SLC16A7: variants seen among roughly 807,000 people sequenced by gnomAD.
SLC16A7 encodes monocarboxylate transporter 2.
SLC16A7 carries 33 observed loss-of-function variants against 34.9 expected under a neutral mutation model. The observed-to-expected ratio is 0.94, with a 90% confidence interval of 0.72 to 1.26. The LOEUF (loss-of-function observed/expected upper bound fraction) is 1.26. SLC16A7 is among the 50% of genes most tolerant of loss of function. The probability of loss-of-function intolerance (pLI) is 0.00; values close to 1 mark genes in which losing one functional copy is unlikely to be tolerated. For synonymous variants in SLC16A7, 201 were observed against 206.6 expected, an observed-to-expected ratio of 0.97 and a Z score of 0.23; for missense variants, 573 against 578.1, an observed-to-expected ratio of 0.99 and a Z score of 0.09.
Position 59,704,972 on chromosome 12 carries a change from A to C in SLC16A7, c.171A>C (p.Glu57Asp), listed in dbSNP as rs765314640. Residue 57 changes from glutamate (E) to aspartate (D), a missense_variant, in exon 3 of 6, where the codon GAA becomes GAC. Transcript: ENST00000547379. ...AAATATTCCACACTACCTACAGTGAAATAGCATGGATTTCATCCATTATGC... is the reference window on the plus strand; with the variant it reads ...AAATATTCCACACTACCTACAGTGACATAGCATGGATTTCATCCATTATGC... ...IQQIFHTTYS[E>D]IAWISSIMLA... 6.2e-7 allele frequency: 1 copy of C among 1,613,816 alleles called. No homozygotes were observed. The highest frequency in any genetic ancestry group is 8.5e-7 in the Non-Finnish European group (1 of 1,179,752).
In SLC16A7 at chr12:59,775,209, A is replaced by G; in HGVS notation, c.914A>G (p.Asn305Ser). ...FARPSVGLIA[N>S]SKYIRPRIQY... is the part of the protein sequence containing the mutation. ...AGGCCTTCTGTAGGATTAATTGCAA[A>G]CTCCAAATATATTCGACCTCGAATT... The change falls in exon 5 of 6, where the codon AAC becomes AGC. Residue 305 changes from asparagine (N) to serine (S), a missense_variant. Coordinates refer to ENST00000547379, the MANE Select transcript of SLC16A7 (RefSeq NM_001270623.2). The G allele has an allele frequency of 6.2e-7, 1 of 1,613,872 alleles. No homozygotes were observed. The highest frequency in any genetic ancestry group is 8.5e-7 in the Non-Finnish European group (1 of 1,179,982).
chr12:59,749,918 C>T (rs548728792), intron 3 of SLC16A7, among the ~76,000 whole-genome samples: 20 of 152,106 alleles, frequency 1.3e-4, no homozygotes, highest in East Asian at 5.8e-4. Flanking sequence ...TCCAAACCAG[C>T]GCCAGACATT....
In SLC16A7 at chr12:59,705,002, T is replaced by G. The variant is rs79227663; in HGVS notation, c.201T>G (p.Ala67=). The G allele has an allele frequency of 4.0e-4, 645 of 1,609,682 alleles. 6 individuals are homozygous for G. The African/African-American group carries it at 5.6e-3, about 14-fold the overall frequency. Residue 67 remains alanine (A), a synonymous_variant, in exon 3 of 6, where the codon GCT becomes GCG. Transcript: ENST00000547379. ...CATGGATTTCATCCATTATGCTGGC[T>G]GTTATGTACGCAGGAGGTAAGCTTC... is the stretch of plus-strand genomic sequence containing the variant. ...EIAWISSIML[A]VMYAGGPVSS...
intron 3 of SLC16A7, among the ~76,000 whole-genome samples, chr12:59,760,814 T>A (rs1395804889): frequency 6.6e-6 from 1 of 152,126 alleles, no homozygotes; most frequent in Non-Finnish European, 1.5e-5. Context: ...AATTATTTAT[T>A]TCTGGAATTT....
chr12:59,764,814 G>A (rs1390178322), intron 3 of SLC16A7, among the ~76,000 whole-genome samples: 1 of 152,054 alleles, frequency 6.6e-6, no homozygotes, highest in Admixed American at 6.6e-5. Context: ...TGTCTTTATA[G>A]CAGCATGATT....
At position 59,742,240 on chromosome 12, in the gene SLC16A7, C is replaced by T. The variant is rs535274539; in HGVS notation, c.218-28979C>T. ...GGAAAGTCATATTCCAACATTTTGT[C>T]TCTTAATGCTCATGTCCAGGAACTT... On this transcript the variant is annotated intron_variant, in intron 3 of 5. Transcript: ENST00000547379. Among the ~76,000 whole-genome samples, 4 of 152,318 alleles carry T rather than the reference C, an allele frequency of 2.6e-5. No homozygotes were observed. The South Asian group carries it at 8.3e-4, about 32-fold the overall frequency.
In SLC16A7 at chr12:59,779,626, G is replaced by T. The variant is rs1336676910; in HGVS notation, c.1384G>T (p.Val462Phe). The part of the protein sequence containing the change: ...SKSKHSEDVN[V>F]KVSNAQSVTS... ...ATCTAAACATTCGGAAGATGTTAAC[G>T]TCAAAGTTTCAAATGCACAGAGTGT... The change falls in exon 6 of 6, where the codon GTC becomes TTC. Residue 462 changes from valine (V) to phenylalanine (F), a missense_variant. Transcript: ENST00000547379. 6.2e-7 allele frequency: 1 copy of T among 1,611,260 alleles called. No individual in the cohort carries two copies. The highest frequency in any genetic ancestry group is 8.5e-7 in the Non-Finnish European group (1 of 1,177,816).
At chr12:59,604,264 G>A (rs1041027121) in intron 1 of SLC16A7, among the ~76,000 whole-genome samples, 5 of 152,178 alleles carry the variant, frequency 3.3e-5, no homozygotes, top group Non-Finnish European at 5.9e-5. Flanking sequence ...GGTATATATA[G>A]CGATCTACCT....
At chr12:59,642,602 T>C (rs942474163) in intron 1 of SLC16A7, among the ~76,000 whole-genome samples, 5 of 152,062 alleles carry the variant, frequency 3.3e-5, no homozygotes, top group African/African-American at 9.6e-5. Context: ...TGATTCTTCA[T>C]GCAGAAGATA....
chr12:59,608,707 T>G (rs1265730744), intron 1 of SLC16A7, among the ~76,000 whole-genome samples: 1 of 152,182 alleles, frequency 6.6e-6, no homozygotes, highest in Non-Finnish European at 1.5e-5. Flanking sequence ...GCTGTTAATT[T>G]AAGAAAAAAA....
rs571400689 is a variant in SLC16A7, at chr12:59,690,089, G to A, written c.-30-14683G>A. 3.3e-5 allele frequency among the ~76,000 whole-genome samples: 5 copies of A among 151,934 alleles called. No individual in the cohort carries two copies. In the East Asian group the frequency reaches 5.8e-4, roughly 18 times the overall value. Reference sequence around the variant, plus strand: ...AGAAGGAGAAAAACAAAAACAAAACGGGATATACACACAATGATTGTTATC... The same window carrying A: ...AGAAGGAGAAAAACAAAAACAAAACAGGATATACACACAATGATTGTTATC... On this transcript the variant is annotated intron_variant, in intron 2 of 5. Transcript: ENST00000547379.
chr12:59,638,133 G>A (rs1326377225), intron 1 of SLC16A7, among the ~76,000 whole-genome samples: 1 of 152,112 alleles, frequency 6.6e-6, no homozygotes, highest in Non-Finnish European at 1.5e-5. Context: ...GTGTTGAAAT[G>A]TAACTGGATA....
At chr12:59,600,745 G>T (rs1444343643) in intron 1 of SLC16A7, among the ~76,000 whole-genome samples, 1 of 152,158 alleles carries the variant, frequency 6.6e-6, no homozygotes, top group Non-Finnish European at 1.5e-5. Flanking sequence ...AACTAGTCCA[G>T]CTGGAGCTGG....
At position 59,596,621 on chromosome 12, in the gene SLC16A7, C is replaced by T. The variant is rs1878412865; in HGVS notation, c.-130+385C>T. ...CCAGTCTCCCTGGCTCACGGGACTC[C>T]GAGGGCTGCTTCCAGTGCGGCGTGT... On this transcript the variant is annotated intron_variant, in intron 1 of 5. Transcript: ENST00000547379. The surrounding 1 kb of genome is among the most constrained non-coding windows in gnomAD (Gnocchi z 5.0). Among the ~76,000 whole-genome samples, 2 of 152,062 alleles carry T rather than the reference C, an allele frequency of 1.3e-5. No homozygotes were observed. The highest frequency in any genetic ancestry group is 4.2e-4 in the South Asian group (2 of 4,804).
intron 1 of SLC16A7, among the ~76,000 whole-genome samples, chr12:59,611,431 A>G (rs1215300983): frequency 6.6e-6 from 1 of 152,212 alleles, no homozygotes; most frequent in Non-Finnish European, 1.5e-5. Context: ...ATTTATCACT[A>G]GGTCCCTAAC....
At chr12:59,680,590 CTATTA>C (rs1220396346) in intron 2 of SLC16A7, among the ~76,000 whole-genome samples, 1 of 152,040 alleles carries the variant, frequency 6.6e-6, no homozygotes, top group African/African-American at 2.4e-5. Flanking sequence ...TGATTAATGT[CTATTA>C]TAATACCGTA....
chr12:59,700,583 G>T (rs1387279434), intron 2 of SLC16A7, among the ~76,000 whole-genome samples: 3 of 150,348 alleles, frequency 2.0e-5, no homozygotes, highest in Non-Finnish European at 4.5e-5. Context: ...TATATAAAAT[G>T]TAATATATTT....
rs538503921 is a variant in SLC16A7, at chr12:59,724,651, G to T, written c.217+19633G>T. ...TTATGTATGAGATATTTGCCAAGCT[G>T]CATAAAAGAAAAGGGCTAGAGTTTA... is the stretch of plus-strand genomic sequence containing the variant. On this transcript the variant is annotated intron_variant, in intron 3 of 5. Transcript: ENST00000547379. Among the ~76,000 whole-genome samples, 11 of 152,088 alleles carry T rather than the reference G, an allele frequency of 7.2e-5. No individual in the cohort carries two copies. In the East Asian group the frequency reaches 2.1e-3, roughly 29 times the overall value.
Position 59,787,231 on chromosome 12 carries a change from A to G in SLC16A7, c.*7552A>G, listed in dbSNP as rs1380609721. On this transcript the variant is annotated 3_prime_UTR_variant, in exon 6 of 6. Transcript: ENST00000547379. ...ACACACAGTTCAAGTTTAAATTATT[A>G]AATTGTATGCAAGAAATTATTGCCA... 2.0e-5 allele frequency: 3 copies of G among 152,178 alleles called. No homozygotes were observed. Among genetic ancestry groups the G allele is most frequent in the Admixed American group, 1.3e-4 (2 of 15,278 alleles). 9.4% of individuals were successfully genotyped at this position (152,178 alleles called of 1,614,324 possible).
Sources: gnomAD v4.1 joint callset for allele counts (sites outside exome capture counted in the v4.1 genomes callset) on GRCh38, gnomAD v4.1.1 for gene constraint, Gnocchi (gnomAD v3.1) non-coding constraint, MANE v1.5 for transcripts, NCBI Gene and HGNC (gene_info 2026-07-23, HGNC 2026-07-21) for gene names.